TFDP2: variants seen among roughly 807,000 people sequenced by gnomAD.
The protein encoded by TFDP2 is transcription factor Dp-2.
TFDP2 carries 17 observed loss-of-function variants against 59.3 expected under a neutral mutation model. The observed-to-expected ratio is 0.29, with a 90% CI of 0.20 to 0.43. The LOEUF is 0.43. TFDP2 is among the 20% of genes least tolerant of loss of function. TFDP2 has a pLI of 1.00. For synonymous variants in TFDP2, 180 were observed against 194.7 expected (o/e 0.92, Z 0.63); for missense variants, 391 against 528.8 (o/e 0.74, Z 2.56).
intron 3 of TFDP2, among the ~76,000 whole-genome samples, chr3:142,066,851 G>A (rs1389356807): frequency 1.3e-5 from 2 of 152,110 alleles, no homozygotes; most frequent in Non-Finnish European, 2.9e-5. Flanking sequence ...AGGCTGATTT[G>A]ACATATAAAA....
chr3:141,987,265 T>TTGTGTGTGTG (rs56988461), intron 6 of TFDP2, among the ~76,000 whole-genome samples: 20 of 132,814 alleles, frequency 1.5e-4, no homozygotes, highest in African/African-American at 4.9e-4. Context: ...GCTGTCAGAT[T>TTGTGTGTGTG]TGTGTGTGTG....
Position 141,970,206 on chromosome 3 carries a change from A to C in TFDP2, c.664-65T>G, listed in dbSNP as rs376091086. 24 of 1,477,816 alleles carry C rather than the reference A, an allele frequency of 1.6e-5. No individual in the cohort carries two copies. The African/African-American group carries it at 3.2e-4, about 20-fold the overall frequency. 91.5% of individuals were successfully genotyped at this position (1,477,816 alleles called of 1,614,324 possible). A position where few individuals can be genotyped will look rare whatever the true frequency, so the allele number is the denominator to read the frequency against. ...GACTATAAAATATCGTTCACTTTCC[A>C]GGTCCCTATTCTGAGATAACAATTT... On this transcript the variant is annotated intron_variant, in intron 8 of 12. Coordinates refer to ENST00000489671, the MANE Select transcript of TFDP2 (RefSeq NM_001178139.2).
chr3:142,083,986 A>G (rs1002549150), intron 3 of TFDP2, among the ~76,000 whole-genome samples: 3 of 152,208 alleles, frequency 2.0e-5, no homozygotes, highest in Non-Finnish European at 2.9e-5. Flanking sequence ...CAGGCAACCA[A>G]AGCAAAAATG....
chr3:142,121,844 C>G lies in TFDP2; in HGVS notation c.-92-20003G>C, dbSNP rs561172395. Among the ~76,000 whole-genome samples, 2 of 53,148 alleles carry G rather than the reference C, an allele frequency of 3.8e-5. No individual in the cohort carries two copies. Among genetic ancestry groups the G allele is most frequent in the Non-Finnish European group, 6.9e-5 (2 of 28,928 alleles). 34.9% of individuals were successfully genotyped at this position (53,148 alleles called of 152,430 possible). A position where few individuals can be genotyped will look rare whatever the true frequency, so the allele number is the denominator to read the frequency against. On this transcript the variant is annotated intron_variant, in intron 1 of 12. Transcript: ENST00000489671. The surrounding 1 kb of genome is among the most constrained non-coding windows in gnomAD (Gnocchi z 4.3). ...AGAAACCCTGTCTCTACTAAAAATACGAAGTTAAAAAAAAAAAAACTTCAT... is the reference window on the plus strand; with the variant it reads ...AGAAACCCTGTCTCTACTAAAAATAGGAAGTTAAAAAAAAAAAAACTTCAT...
chr3:142,021,652 T>C (rs970734593), intron 3 of TFDP2, among the ~76,000 whole-genome samples: 3 of 152,230 alleles, frequency 2.0e-5, no homozygotes, highest in Non-Finnish European at 4.4e-5. Flanking sequence ...TCTAGAACCA[T>C]GAATGCCCTA....
chr3:142,042,095 T>C (rs1351699426), intron 3 of TFDP2, among the ~76,000 whole-genome samples: 1 of 152,194 alleles, frequency 6.6e-6, no homozygotes, highest in Non-Finnish European at 1.5e-5. Flanking sequence ...GTAATGTGAG[T>C]CTTAGATATG....
At chr3:141,955,328 G>T (rs1936465229) in intron 11 of TFDP2, among the ~76,000 whole-genome samples, 3 of 152,210 alleles carry the variant, frequency 2.0e-5, no homozygotes, top group Admixed American at 2.0e-4. Context: ...GTCTGCAAAT[G>T]AGGTCACGAA....
chr3:142,051,521 T>TAA (rs1947628899), intron 3 of TFDP2, among the ~76,000 whole-genome samples: 1 of 144,922 alleles, frequency 6.9e-6, no homozygotes, highest in Admixed American at 6.9e-5. Flanking sequence ...AGATTCCATC[T>TAA]CAAAAAAAAA....
chr3:142,114,045 G>C (rs2061760193), intron 1 of TFDP2, among the ~76,000 whole-genome samples: 1 of 152,054 alleles, frequency 6.6e-6, no homozygotes. Flanking sequence ...GGCGCCTGTA[G>C]TCTCAGCTAC....
intron 1 of TFDP2, among the ~76,000 whole-genome samples, chr3:142,145,876 C>CA (rs149737524): frequency 0.011 from 1,683 of 152,204 alleles, 34 homozygotes; most frequent in African/African-American, 0.038. Flanking sequence ...AGGCAACTGT[C>CA]AAAGTTCCTC....
chr3:141,957,765 G>A (rs1482597461), intron 11 of TFDP2, among the ~76,000 whole-genome samples: 1 of 152,188 alleles, frequency 6.6e-6, no homozygotes, highest in African/African-American at 2.4e-5. Flanking sequence ...TTCTAGAATA[G>A]GCAAATCCAT....
chr3:142,102,184 T>C lies in TFDP2; in HGVS notation c.-92-343A>G, dbSNP rs186029309. Among the ~76,000 whole-genome samples, 410 of 152,314 alleles carry C rather than the reference T, an allele frequency of 2.7e-3. 2 individuals are homozygous for C. Among genetic ancestry groups the C allele is most frequent in the African/African-American group, 9.6e-3 (399 of 41,584 alleles). On this transcript the variant is annotated intron_variant, in intron 1 of 12. Transcript: ENST00000489671. ...TACAAGATAAACCTAGAACATCTTATTGTGCCTAAAGTAAGGAAGGGCTCA... is the reference window on the plus strand; with the variant it reads ...TACAAGATAAACCTAGAACATCTTACTGTGCCTAAAGTAAGGAAGGGCTCA...
chr3:142,023,122 C>CAAAAAAAAAAAAAAAAAAAAAAAA (rs765096570), intron 3 of TFDP2, among the ~76,000 whole-genome samples: 3 of 59,600 alleles, frequency 5.0e-5, no homozygotes, highest in East Asian at 7.8e-4. Flanking sequence ...CCCTCCGTCT[C>CAAAAAAAAAAAAAAAAAAAAAAAA]AAAAAAAAAA....
In TFDP2 at chr3:142,124,406, T is replaced by C. The variant is rs73236011; in HGVS notation, c.-92-22565A>G. Among the ~76,000 whole-genome samples the C allele has an allele frequency of 6.0e-3, 914 of 152,208 alleles. 3 individuals carry two copies. The highest frequency in any genetic ancestry group is 9.9e-3 in the Admixed American group (151 of 15,288). On this transcript the variant is annotated intron_variant, in intron 1 of 12. Transcript: ENST00000489671. ...TACAGATAGAGGGAACAGAAAAGTA[T>C]AGGAAAAGACCTAAATCCACAAAGA...
intron 3 of TFDP2, among the ~76,000 whole-genome samples, chr3:142,011,830 C>T (rs1203546683): frequency 2.6e-5 from 4 of 151,988 alleles, no homozygotes; most frequent in Non-Finnish European, 1.5e-5. Context: ...GAACAAGTAA[C>T]ACTGTTCCCT....
At chr3:141,977,720 T>A (rs189047241) in intron 7 of TFDP2, among the ~76,000 whole-genome samples, 2 of 152,240 alleles carry the variant, frequency 1.3e-5, no homozygotes, top group African/African-American at 2.4e-5. Context: ...CAATTTTTTT[T>A]TTCTTTTTGA....
intron 1 of TFDP2, among the ~76,000 whole-genome samples, chr3:142,104,020 C>A (rs982153196): frequency 2.6e-5 from 4 of 152,042 alleles, no homozygotes; most frequent in African/African-American, 9.7e-5. Flanking sequence ...CATGCATTAG[C>A]TATTTGTCCT....
In TFDP2 at chr3:142,005,526, G is replaced by C. The variant is rs1254683349; in HGVS notation, c.101C>G (p.Ala34Gly). The C allele has an allele frequency of 1.3e-6, 2 of 1,598,380 alleles. No individual in the cohort carries two copies. Among genetic ancestry groups the C allele is most frequent in the Non-Finnish European group, 1.7e-6 (2 of 1,170,060 alleles). The part of the protein sequence containing the change: ...SPTKGNISFV[A>G]FPVSNTNSPT... ...TGAGTTGGTATTGGAAACTGGAAAT[G>C]CAACAAATGAAATGTTGCCTGAAAT... Residue 34 changes from alanine to glycine, a missense_variant, in exon 4 of 13, where the codon GCA becomes GGA. This residue lies in a region of TFDP2 where 162 missense variants were observed against 206.8 expected (regional missense o/e 0.78). Coordinates refer to ENST00000489671, the MANE Select transcript of TFDP2 (RefSeq NM_001178139.2).
At chr3:141,985,825 C>T (rs1942042130) in intron 6 of TFDP2, among the ~76,000 whole-genome samples, 1 of 152,092 alleles carries the variant, frequency 6.6e-6, no homozygotes, top group Non-Finnish European at 1.5e-5. Context: ...AATGAAAGGT[C>T]AATTCACAGA....
Sources: allele counts gnomAD v4.1 joint callset (sites outside exome capture counted in the v4.1 genomes callset), GRCh38; gene constraint gnomAD v4.1.1; regional missense constraint gnomAD v4.1.1; non-coding constraint Gnocchi (gnomAD v3.1); transcripts MANE v1.5; gene names NCBI Gene and HGNC (gene_info 2026-07-23, HGNC 2026-07-21).